The following HOXA3 variants were observed in gnomAD, a reference collection of about 807,000 sequenced individuals.
The protein encoded by HOXA3 is homeobox A3.
A neutral mutation model predicts 30.3 loss-of-function variants in HOXA3; 8 were observed. The observed-to-expected ratio is 0.26, with a 90% confidence interval of 0.15 to 0.48. The LOEUF (loss-of-function observed/expected upper bound fraction) is 0.48, where lower values mean the gene tolerates loss of function less well. Ranked by LOEUF, HOXA3 falls within the 20% of genes least tolerant of loss-of-function variation. HOXA3 has a pLI of 0.99. For synonymous variants in HOXA3, 323 were observed against 273.1 expected (o/e 1.18, Z -1.80); for missense variants, 653 against 614.4 (o/e 1.06, Z -0.66).
intron 3 of HOXA3, among the ~76,000 whole-genome samples, chr7:27,125,649 C>T (rs1392581999): frequency 6.6e-6 from 1 of 152,226 alleles, no homozygotes; most frequent in East Asian, 1.9e-4. Context: ...AGCCTGTGTT[C>T]TGCTATACAA....
intron 4 of HOXA3, among the ~76,000 whole-genome samples, chr7:27,112,858 T>G (rs1449916709): frequency 6.6e-6 from 1 of 152,252 alleles, no homozygotes; most frequent in Non-Finnish European, 1.5e-5. Flanking sequence ...AGCCTGCTAC[T>G]TAGTTAAGCC....
At chr7:27,129,958 T>C in intron 2 of HOXA3, 1 of 777,010 alleles carries the variant, frequency 1.3e-6, no homozygotes, top group Non-Finnish European at 2.0e-6. Context: ...ATCAGGCGGC[T>C]GGCTGGCGCG....
intron 1 of HOXA3, chr7:27,151,446 C>T (rs1229640200): frequency 5.5e-6 from 2 of 363,160 alleles, no homozygotes; most frequent in Non-Finnish European, 1.1e-5. Flanking sequence ...ATCGCCCAGA[C>T]TCGGTTTGCG....
At chr7:27,138,458 T>TG (rs1416128854) in intron 2 of HOXA3, among the ~76,000 whole-genome samples, 1 of 152,238 alleles carries the variant, frequency 6.6e-6, no homozygotes, top group Non-Finnish European at 1.5e-5. Flanking sequence ...AATTAATACT[T>TG]GCTGAAAACT....
intron 2 of HOXA3, among the ~76,000 whole-genome samples, chr7:27,135,647 T>C (rs149807686): frequency 1.1e-3 from 167 of 152,354 alleles, no homozygotes; most frequent in African/African-American, 2.2e-3. Flanking sequence ...TCATCATGTG[T>C]ACTAAAAAGA....
At chr7:27,148,970 A>G (rs1782879902) in intron 1 of HOXA3, among the ~76,000 whole-genome samples, 1 of 152,184 alleles carries the variant, frequency 6.6e-6, no homozygotes, top group South Asian at 2.1e-4. Context: ...CGCCCTCTTT[A>G]CTGCCCTTCC....
intron 1 of HOXA3, chr7:27,142,209 C>A: frequency 1.0e-6 from 1 of 966,768 alleles, no homozygotes; most frequent in Non-Finnish European, 1.5e-6. Context: ...CCTACCAGCC[C>A]GCACACCCCT....
chr7:27,146,927 A>C (rs917404628), intron 1 of HOXA3, among the ~76,000 whole-genome samples: 4 of 152,204 alleles, frequency 2.6e-5, no homozygotes, highest in Non-Finnish European at 5.9e-5. Flanking sequence ...AAGGGTATTT[A>C]TCAGTGACGC....
chr7:27,136,222 C>T (rs1224718947), intron 2 of HOXA3, among the ~76,000 whole-genome samples: 2 of 152,164 alleles, frequency 1.3e-5, no homozygotes, highest in African/African-American at 2.4e-5. Context: ...GGGGAAGGGG[C>T]CCCCCAGCAT....
chr7:27,136,936 T>C (rs1480662472), intron 2 of HOXA3, among the ~76,000 whole-genome samples: 2 of 152,184 alleles, frequency 1.3e-5, no homozygotes, highest in East Asian at 3.9e-4. Context: ...GCCCCGTTTA[T>C]AGTTTTGCCA....
At chr7:27,147,837 G>A in intron 1 of HOXA3, 2 of 1,241,430 alleles carry the variant, frequency 1.6e-6, no homozygotes, top group Non-Finnish European at 2.2e-6. Context: ...GTTTGTTTCT[G>A]GATGGCCGAA....
chr7:27,127,180 G>T (rs1463483323), intron 2 of HOXA3, 110 bp from the exon 3 acceptor site: 1 of 152,208 alleles, frequency 6.6e-6, no homozygotes, highest in Non-Finnish European at 1.5e-5. Context: ...GTAGTAGGGG[G>T]AGGGTTAATA....
At chr7:27,120,679 G>T (rs935425850) in intron 4 of HOXA3, among the ~76,000 whole-genome samples, 1 of 152,124 alleles carries the variant, frequency 6.6e-6, no homozygotes, top group African/African-American at 2.4e-5. Context: ...TCCAGTTAAT[G>T]CTCCAACTGC....
intron 1 of HOXA3, among the ~76,000 whole-genome samples, chr7:27,146,794 G>A (rs897865072): frequency 2.0e-5 from 3 of 152,024 alleles, no homozygotes; most frequent in East Asian, 1.9e-4. Context: ...GGAGGAGAGA[G>A]AAAAAAATCC....
At chr7:27,143,235 A>G in intron 1 of HOXA3, 2 of 1,609,416 alleles carry the variant, frequency 1.2e-6, no homozygotes, top group Non-Finnish European at 1.7e-6. Context: ...GCGCCGCTGG[A>G]GTTGCTTAGG....
intron 1 of HOXA3, chr7:27,150,955 C>CG (rs1782952140): frequency 6.6e-6 from 1 of 152,380 alleles, no homozygotes; most frequent in Non-Finnish European, 1.5e-5. Context: ...GCAGCTGGCG[C>CG]CGGTCCCGGC....
chr7:27,130,325 G>A (rs1162069433), intron 2 of HOXA3: 1 of 1,098,588 alleles, frequency 9.1e-7, no homozygotes, highest in Non-Finnish European at 1.1e-6. Flanking sequence ...AGCTGGGGCT[G>A]CAGGACGTGG....
Position 27,108,227 on chromosome 7 carries a change from G to T in HOXA3, c.1020C>A (p.Pro340=). The change falls in exon 6 of 6, where the codon CCC becomes CCA. Residue 340 remains proline (P), a synonymous_variant. Transcript: ENST00000612286. The surrounding 1 kb of genome is among the most constrained non-coding windows in gnomAD (Gnocchi z 5.0). ...TAAGAGAGGT[P]DYDPHAHGLQ... is the part of the protein sequence containing the mutation. ...GGCCATGAGCGTGCGGGTCATAGTC[G>T]GGGGTGCCCCCTGCGCCCGCCCCTG... 6.6e-7 allele frequency: 1 copy of T among 1,522,750 alleles called. No individual in the cohort carries two copies. The highest frequency in any genetic ancestry group is 8.8e-7 in the Non-Finnish European group (1 of 1,135,390). The allele number at this position is 1,522,750 out of a possible 1,614,324, so 94.3% of individuals were successfully genotyped here. A position where few individuals can be genotyped will look rare whatever the true frequency, so the allele number is the denominator to read the frequency against.
At chr7:27,147,475 C>T (rs1054236004) in intron 1 of HOXA3, 2 of 1,614,006 alleles carry the variant, frequency 1.2e-6, no homozygotes, top group Admixed American at 1.7e-5. Context: ...CTTGCCACTG[C>T]CCGAGGGCGA....
Sources: gnomAD v4.1 joint callset for allele counts (sites outside exome capture counted in the v4.1 genomes callset) on GRCh38, gnomAD v4.1.1 for gene constraint, Gnocchi (gnomAD v3.1) non-coding constraint, MANE v1.5 for transcripts, NCBI Gene and HGNC (gene_info 2026-07-23, HGNC 2026-07-21) for gene names.